SH3RF3: variants seen among roughly 807,000 people sequenced by gnomAD.
The protein encoded by SH3RF3 is E3 ubiquitin-protein ligase SH3RF3.
SH3RF3 carries 29 observed loss-of-function variants against 66.3 expected under a neutral mutation model. The observed-to-expected ratio is 0.44, with a 90% CI of 0.33 to 0.60. SH3RF3 has a LOEUF of 0.60. SH3RF3 is among the 20% of genes least tolerant of loss of function. The pLI is 0.04. For missense variants in SH3RF3, 1,194 were observed against 1,190.9 expected (o/e 1.00, Z -0.04); for synonymous variants, 583 against 532.0 (o/e 1.10, Z -1.32).
chr2:109,304,191 CTCCA>C (rs1307916011), intron 1 of SH3RF3, among the ~76,000 whole-genome samples: 1 of 152,136 alleles, frequency 6.6e-6, no homozygotes, highest in Non-Finnish European at 1.5e-5. Flanking sequence ...TACAGTAGAT[CTCCA>C]GAACTTACTC....
chr2:109,204,258 G>T (rs1451084927), intron 1 of SH3RF3, among the ~76,000 whole-genome samples: 1 of 152,140 alleles, frequency 6.6e-6, no homozygotes, highest in Non-Finnish European at 1.5e-5. Context: ...CTTTGCTTAT[G>T]CCCTGTTGCT....
At chr2:109,315,573 C>T (rs1230765780) in intron 1 of SH3RF3, among the ~76,000 whole-genome samples, 1 of 152,236 alleles carries the variant, frequency 6.6e-6, no homozygotes, top group African/African-American at 2.4e-5. Context: ...GCCTGTTGTG[C>T]ACTGTCTGTG....
At chr2:109,144,508 T>C (rs1574472513) in intron 1 of SH3RF3, among the ~76,000 whole-genome samples, 1 of 152,328 alleles carries the variant, frequency 6.6e-6, no homozygotes, top group South Asian at 2.1e-4. Flanking sequence ...GCTGAGGCTT[T>C]GTATGAGGGA....
At chr2:109,283,066 T>C (rs1680934648) in intron 1 of SH3RF3, among the ~76,000 whole-genome samples, 1 of 152,220 alleles carries the variant, frequency 6.6e-6, no homozygotes, top group Admixed American at 6.5e-5. Flanking sequence ...AAGTCCAGGC[T>C]TGGCCAGGGC....
intron 1 of SH3RF3, among the ~76,000 whole-genome samples, chr2:109,344,397 G>A (rs1035293418): frequency 1.3e-5 from 2 of 152,220 alleles, no homozygotes; most frequent in Admixed American, 6.5e-5. Flanking sequence ...AGCCCTGCAT[G>A]TTCCAGGTTC....
At position 109,240,768 on chromosome 2, in the gene SH3RF3, T is replaced by C. The variant is rs185059384; in HGVS notation, c.574-106906T>C. Among the ~76,000 whole-genome samples, 3 of 148,988 alleles carry C rather than the reference T, an allele frequency of 2.0e-5. No homozygotes were observed. The Admixed American group carries it at 2.0e-4, about 10-fold the overall frequency. On this transcript the variant is annotated intron_variant, in intron 1 of 9. Coordinates refer to ENST00000309415, the MANE Select transcript of SH3RF3 (RefSeq NM_001099289.3). ...AGCTTCTTCCTATTTCCTCCTGTCG[T>C]CCTTCTCCTCTCTAGACCCTGAGGG...
chr2:109,386,878 CA>C (rs1057240402), intron 3 of SH3RF3, among the ~76,000 whole-genome samples: 1 of 151,952 alleles, frequency 6.6e-6, no homozygotes, highest in Non-Finnish European at 1.5e-5. Flanking sequence ...TGTACAAAAT[CA>C]AAAAAAATCT....
intron 1 of SH3RF3, among the ~76,000 whole-genome samples, chr2:109,223,016 C>T (rs1190854215): frequency 6.6e-6 from 1 of 152,252 alleles, no homozygotes. Flanking sequence ...GAAGAGGGCA[C>T]TGTCCGCCCC....
At chr2:109,174,588 A>G (rs564420219) in intron 1 of SH3RF3, among the ~76,000 whole-genome samples, 36 of 152,332 alleles carry the variant, frequency 2.4e-4, no homozygotes, top group African/African-American at 7.0e-4. Context: ...CATTGTGGCT[A>G]TGGTGTTCGT....
In SH3RF3 at chr2:109,436,800, G is replaced by A. The variant is rs190319119; in HGVS notation, c.1575-93G>A. The A allele has an allele frequency of 3.7e-5, 55 of 1,490,968 alleles. No homozygotes were observed. In the African/African-American group the frequency reaches 5.3e-4, roughly 14 times the overall value. The allele number at this position is 1,490,968 out of a possible 1,614,324, so 92.4% of individuals were successfully genotyped here. A position where few individuals can be genotyped will look rare whatever the true frequency, so the allele number is the denominator to read the frequency against. On this transcript the variant is annotated intron_variant, in intron 6 of 9. Coordinates refer to ENST00000309415, the MANE Select transcript of SH3RF3 (RefSeq NM_001099289.3). ...GATCAGTTGGCCTTCATCTCTTAAA[G>A]CCAGCAGGTCAGAGCGAGGCTCTGC...
At chr2:109,219,394 A>G (rs1369027697) in intron 1 of SH3RF3, among the ~76,000 whole-genome samples, 1 of 152,228 alleles carries the variant, frequency 6.6e-6, no homozygotes, top group African/African-American at 2.4e-5. Flanking sequence ...ACATTTTAGT[A>G]TTGCAAAAGG....
chr2:109,340,516 G>A (rs984681695), intron 1 of SH3RF3, among the ~76,000 whole-genome samples: 7 of 152,284 alleles, frequency 4.6e-5, no homozygotes, highest in Middle Eastern at 3.4e-3. Flanking sequence ...CTGGAGGGGC[G>A]GTCCTCAGTT....
At chr2:109,310,038 A>AT (rs1681690978) in intron 1 of SH3RF3, among the ~76,000 whole-genome samples, 1 of 119,344 alleles carries the variant, frequency 8.4e-6, no homozygotes, top group Non-Finnish European at 1.6e-5. Flanking sequence ...CAGAATATAC[A>AT]TTTTTTTCAG....
chr2:109,403,819 A>G (rs1676378349), intron 4 of SH3RF3, among the ~76,000 whole-genome samples: 1 of 152,282 alleles, frequency 6.6e-6, no homozygotes, highest in Non-Finnish European at 1.5e-5. Context: ...AACCTTGGGT[A>G]AGCTGCCTGA....
At chr2:109,164,381 G>A (rs1287226658) in intron 1 of SH3RF3, among the ~76,000 whole-genome samples, 1 of 152,184 alleles carries the variant, frequency 6.6e-6, no homozygotes, top group East Asian at 1.9e-4. Context: ...ATGGGGTCTT[G>A]CTGTGTTGCT....
rs542523969 is a variant in SH3RF3 at position 109,285,313 on chromosome 2, G to A, written c.574-62361G>A. ...CCTCATAACCTCCTGGGAAGCTGCT[G>A]AAATACAGGTGTTCATGGTGGGGTT... On this transcript the variant is annotated intron_variant, in intron 1 of 9. Transcript: ENST00000309415. Among the ~76,000 whole-genome samples the A allele has an allele frequency of 1.1e-4, 16 of 152,360 alleles. No homozygotes were observed. The East Asian group carries it at 2.9e-3, about 28-fold the overall frequency.
intron 8 of SH3RF3, among the ~76,000 whole-genome samples, chr2:109,466,797 CTA>C (rs998892566): frequency 2.3e-4 from 35 of 151,760 alleles, no homozygotes; most frequent in African/African-American, 7.5e-4. Context: ...ATGTGTGTAT[CTA>C]TATGTGTGTA....
chr2:109,286,762 G>A (rs546974863), intron 1 of SH3RF3, among the ~76,000 whole-genome samples: 2 of 152,262 alleles, frequency 1.3e-5, no homozygotes, highest in South Asian at 4.1e-4. Flanking sequence ...ACAGAGATGT[G>A]GTGCAGAGTG....
intron 1 of SH3RF3, among the ~76,000 whole-genome samples, chr2:109,298,970 C>T (rs768865922): frequency 5.3e-5 from 8 of 152,220 alleles, no homozygotes; most frequent in South Asian, 2.1e-4. Context: ...CCGTATGACA[C>T]GGCCCACGCC....
Sources: allele counts gnomAD v4.1 joint callset (sites outside exome capture counted in the v4.1 genomes callset), GRCh38; gene constraint gnomAD v4.1.1; transcripts MANE v1.5; gene names NCBI Gene and HGNC (gene_info 2026-07-23, HGNC 2026-07-21).